Variants in NF2 observed in about 807,000 individuals in gnomAD.
NF2 encodes merlin.
In NF2, 8 loss-of-function variants were observed where a neutral mutation model predicts 83.7. That is an observed-to-expected ratio of 0.10 (90% CI 0.06 to 0.17). NF2 has a LOEUF of 0.17. Ranked by LOEUF, NF2 falls within the 10% of genes least tolerant of loss-of-function variation. The pLI, the probability that NF2 is intolerant of heterozygous loss-of-function variation, is 1.00. For synonymous variants in NF2, 266 were observed against 269.6 expected, an observed-to-expected ratio of 0.99 and a Z score of 0.13; for missense variants, 533 against 744.4, an observed-to-expected ratio of 0.72 and a Z score of 3.31.
chr22:29,681,357 A>G, intron 14 of NF2, 82 bp from the exon 15 acceptor site: 5 of 1,571,312 alleles, frequency 3.2e-6, no homozygotes, highest in Non-Finnish European at 3.5e-6. Flanking sequence ...TCGCACACCA[A>G]GCAGCTTGTG....
intron 1 of NF2, among the ~76,000 whole-genome samples, chr22:29,614,874 C>G (rs1254087539): frequency 6.6e-6 from 1 of 151,812 alleles, no homozygotes; most frequent in Non-Finnish European, 1.5e-5. Flanking sequence ...ATGGTGAAAC[C>G]CTGTCTATAT....
intron 1 of NF2, chr22:29,609,203 G>A (rs1200785098): frequency 2.7e-6 from 2 of 737,052 alleles, no homozygotes; most frequent in Non-Finnish European, 5.1e-6. Flanking sequence ...TCAGTATTTG[G>A]CACCATGGGC....
intron 4 of NF2, among the ~76,000 whole-genome samples, chr22:29,642,900 A>G (rs2065851223): frequency 6.6e-6 from 1 of 152,092 alleles, no homozygotes; most frequent in Non-Finnish European, 1.5e-5. Context: ...TGGCCCACCA[A>G]GCCCACTTGA....
intron 1 of NF2, among the ~76,000 whole-genome samples, chr22:29,634,732 A>G (rs2065602927): frequency 6.6e-6 from 1 of 152,248 alleles, no homozygotes; most frequent in South Asian, 2.1e-4. Context: ...CAAGAGGATA[A>G]TCAGCATCCT....
chr22:29,646,720 G>A (rs1303138105), intron 4 of NF2, among the ~76,000 whole-genome samples: 1 of 152,154 alleles, frequency 6.6e-6, no homozygotes, highest in African/African-American at 2.4e-5. Context: ...CAGTTAACAA[G>A]AACCATATAT....
chr22:29,622,109 A>G (rs1311245626), intron 1 of NF2, among the ~76,000 whole-genome samples: 1 of 152,236 alleles, frequency 6.6e-6, no homozygotes, highest in Non-Finnish European at 1.5e-5. Flanking sequence ...GTAAACAGGA[A>G]AAAGAAAGTG....
intron 15 of NF2, among the ~76,000 whole-genome samples, chr22:29,687,025 T>G (rs576064144): frequency 6.6e-6 from 1 of 152,320 alleles, no homozygotes; most frequent in East Asian, 1.9e-4. Context: ...GGCGTAACTG[T>G]ACCACCATAC....
At chr22:29,682,989 TG>T in intron 15 of NF2, 1 of 1,614,016 alleles carries the variant, frequency 6.2e-7, no homozygotes, top group Non-Finnish European at 8.5e-7. Flanking sequence ...GGTATGTTTT[TG>T]TTTTTCTTCA....
intron 6 of NF2, among the ~76,000 whole-genome samples, chr22:29,657,186 T>G (rs2066337834): frequency 6.6e-6 from 1 of 152,160 alleles, no homozygotes; most frequent in Non-Finnish European, 1.5e-5. Context: ...AGTCTCCTGA[T>G]TTTTAATTCC....
chr22:29,624,830 TTTCTTTCTTTCTTTC>T (rs892191463), intron 1 of NF2, among the ~76,000 whole-genome samples: 1 of 147,606 alleles, frequency 6.8e-6, no homozygotes, highest in African/African-American at 2.6e-5. Context: ...TCTTTCTTTC[TTTCTTTCTTTCTTTC>T]TTTCTTTCTT....
At chr22:29,646,011 G>T (rs1210073559) in intron 4 of NF2, among the ~76,000 whole-genome samples, 1 of 152,142 alleles carries the variant, frequency 6.6e-6, no homozygotes, top group Non-Finnish European at 1.5e-5. Context: ...CAGTTTCTAG[G>T]ACTGCTGGTT....
chr22:29,693,332 A>C (rs947001760), intron 15 of NF2, among the ~76,000 whole-genome samples: 2 of 152,210 alleles, frequency 1.3e-5, no homozygotes, highest in African/African-American at 4.8e-5. Context: ...CCACTGAAGA[A>C]GGCAGCTGAG....
intron 10 of NF2, among the ~76,000 whole-genome samples, chr22:29,669,039 T>G (rs968310245): frequency 6.6e-6 from 1 of 152,240 alleles, no homozygotes; most frequent in Non-Finnish European, 1.5e-5. Context: ...GCCTTACTGC[T>G]GAGAATATCA....
chr22:29,655,187 C>T (rs569389243), intron 5 of NF2, among the ~76,000 whole-genome samples: 1 of 152,322 alleles, frequency 6.6e-6, no homozygotes, highest in African/African-American at 2.4e-5. Flanking sequence ...TTACAGCCCT[C>T]ACTCATCTGT....
chr22:29,620,630 T>C (rs2065193530), intron 1 of NF2, among the ~76,000 whole-genome samples: 1 of 151,710 alleles, frequency 6.6e-6, no homozygotes, highest in South Asian at 2.1e-4. Flanking sequence ...TTCCAGCTAC[T>C]TGGGAGGCTG....
At position 29,694,892 on chromosome 22, in the gene NF2, G is replaced by A; in HGVS notation, c.*90G>A. 7.2e-7 allele frequency: 1 copy of A among 1,391,546 alleles called. No homozygotes were observed. Among genetic ancestry groups the A allele is most frequent in the East Asian group, 2.5e-5 (1 of 40,676 alleles). 86.2% of individuals were successfully genotyped at this position (1,391,546 alleles called of 1,614,324 possible). On this transcript the variant is annotated 3_prime_UTR_variant, in exon 16 of 16. Transcript: ENST00000338641. The surrounding 1 kb of genome is among the most constrained non-coding windows in gnomAD (Gnocchi z 4.1). The stretch of plus-strand genomic sequence containing the variant: ...ATATCAAGAGAGCCATCCATAGGGA[G>A]CTGGCTGGGGGTTTCCGTGGGAGCT...
intron 14 of NF2, among the ~76,000 whole-genome samples, chr22:29,680,477 G>A (rs546271562): frequency 1.8e-4 from 27 of 152,334 alleles, no homozygotes; most frequent in Middle Eastern, 3.4e-3. Flanking sequence ...TCTTACCCTT[G>A]CACATATTGG....
In NF2 at chr22:29,639,125, C is replaced by T. The variant is rs2065729344; in HGVS notation, c.276C>T (p.Val92=). ...LDHDVSKEEP[V]TFHFLAKFYP... ...ATGATGTTTCAAAGGAAGAACCAGT[C>T]ACCTTTCACTTCTTGGCCAAATTTT... Residue 92 remains valine, a synonymous_variant, in exon 3 of 16, where the codon GTC becomes GTT. Transcript: ENST00000338641. 2 of 1,614,184 alleles carry T rather than the reference C, an allele frequency of 1.2e-6. No individual in the cohort carries two copies. Among genetic ancestry groups the T allele is most frequent in the East Asian group, 2.2e-5 (1 of 44,884 alleles).
intron 1 of NF2, among the ~76,000 whole-genome samples, chr22:29,635,476 G>A (rs1327205302): frequency 6.6e-6 from 1 of 152,014 alleles, no homozygotes; most frequent in African/African-American, 2.4e-5. Flanking sequence ...CTACAGGCAT[G>A]CGCTACCACA....
Sources: gnomAD v4.1 joint callset for allele counts (sites outside exome capture counted in the v4.1 genomes callset) on GRCh38, gnomAD v4.1.1 for gene constraint, Gnocchi (gnomAD v3.1) non-coding constraint, MANE v1.5 for transcripts, NCBI Gene and HGNC (gene_info 2026-07-23, HGNC 2026-07-21) for gene names.